The following MBOAT2 variants were observed in gnomAD, a reference collection of about 807,000 sequenced individuals.
MBOAT2 encodes membrane bound glycerophospholipid O-acyltransferase 2, also known as membrane-bound glycerophospholipid O-acyltransferase 2.
Under a neutral mutation model 63.4 loss-of-function variants are expected in MBOAT2, and 28 were observed. The ratio of observed to expected loss-of-function variants is 0.44; its 90% confidence interval spans 0.33 to 0.61. The LOEUF (loss-of-function observed/expected upper bound fraction) is 0.61, where lower values mean the gene tolerates loss of function less well. Among genes scored for constraint, MBOAT2 ranks in the 20% least tolerant of loss-of-function variants. The pLI is 0.03. For missense variants in MBOAT2, 470 were observed against 605.8 expected (o/e 0.78, Z 2.35); for synonymous variants, 211 against 215.6 (o/e 0.98, Z 0.19).
rs990648113 is a variant in MBOAT2, at chr2:8,862,417, C to T, written c.1185+173G>A. The T allele has an allele frequency of 7.4e-7, 1 of 1,342,902 alleles. No homozygotes were observed. Among genetic ancestry groups the T allele is most frequent in the African/African-American group, 1.5e-5 (1 of 68,500 alleles). 83.2% of individuals were successfully genotyped at this position (1,342,902 alleles called of 1,614,324 possible). A position where few individuals can be genotyped will look rare whatever the true frequency, so the allele number is the denominator to read the frequency against. On this transcript the variant is annotated intron_variant, in intron 11 of 12. Transcript: ENST00000305997. The surrounding 1 kb of genome is among the most constrained non-coding windows in gnomAD (Gnocchi z 4.3). ...CACAGGAACTGGGCATGGAGCCTAG[C>T]CCGTGGTGAGCGCTCAGCAAACATG...
At chr2:8,999,358 G>T (rs757830341) in intron 1 of MBOAT2, among the ~76,000 whole-genome samples, 4 of 152,142 alleles carry the variant, frequency 2.6e-5, no homozygotes, top group Non-Finnish European at 5.9e-5. Context: ...TGGTTAAAAA[G>T]GCAAGAAAGA....
intron 6 of MBOAT2, among the ~76,000 whole-genome samples, chr2:8,882,266 T>A (rs550662556): frequency 4.6e-5 from 7 of 152,298 alleles, no homozygotes; most frequent in African/African-American, 1.7e-4. Context: ...CTTTAGCAGC[T>A]AACCTCGTGG....
At chr2:8,992,251 T>G (rs528459437) in intron 1 of MBOAT2, among the ~76,000 whole-genome samples, 1 of 152,310 alleles carries the variant, frequency 6.6e-6, no homozygotes, top group African/African-American at 2.4e-5. Flanking sequence ...AGATAAATGG[T>G]TTTGTAACTA....
intron 11 of MBOAT2, chr2:8,860,984 G>A (rs1448803910): frequency 1.3e-5 from 4 of 303,858 alleles, no homozygotes; most frequent in Non-Finnish European, 2.4e-5. Context: ...GAGGGGAGAT[G>A]AGGAAGTAAC....
intron 4 of MBOAT2, among the ~76,000 whole-genome samples, chr2:8,888,988 A>G (rs1663776218): frequency 6.6e-6 from 1 of 152,234 alleles, no homozygotes; most frequent in South Asian, 2.1e-4. Context: ...TTTTGAAACA[A>G]TAATATAATA....
At chr2:8,891,733 G>C (rs1291212362) in intron 4 of MBOAT2, among the ~76,000 whole-genome samples, 2 of 152,180 alleles carry the variant, frequency 1.3e-5, no homozygotes, top group African/African-American at 4.8e-5. Context: ...CCCTAGGATG[G>C]AAATGGGAAG....
intron 1 of MBOAT2, among the ~76,000 whole-genome samples, chr2:8,964,457 T>A (rs1239090384): frequency 6.6e-6 from 1 of 151,606 alleles, no homozygotes; most frequent in African/African-American, 2.4e-5. Context: ...AACATCCACT[T>A]GACTAATTTA....
chr2:8,940,448 C>T (rs1667971699), intron 3 of MBOAT2, among the ~76,000 whole-genome samples: 2 of 152,054 alleles, frequency 1.3e-5, no homozygotes, highest in South Asian at 2.1e-4. Flanking sequence ...TGCACCACCA[C>T]GCCTGGCTAA....
At chr2:8,984,260 G>A (rs1393790263) in intron 1 of MBOAT2, among the ~76,000 whole-genome samples, 1 of 152,144 alleles carries the variant, frequency 6.6e-6, no homozygotes, top group Non-Finnish European at 1.5e-5. Context: ...ATAGGGAGTT[G>A]CTTAATGAAT....
At chr2:8,966,134 A>G (rs569915188) in intron 1 of MBOAT2, among the ~76,000 whole-genome samples, 112 of 152,352 alleles carry the variant, frequency 7.4e-4, no homozygotes, top group African/African-American at 2.5e-3. Flanking sequence ...GGAGGCGTGA[A>G]GTATACAACC....
intron 8 of MBOAT2, among the ~76,000 whole-genome samples, chr2:8,872,774 T>C (rs571717548): frequency 5.5e-4 from 84 of 152,332 alleles, no homozygotes; most frequent in African/African-American, 2.0e-3. Flanking sequence ...AATACAATCA[T>C]ACTAAATTAT....
At chr2:8,957,077 G>C (rs192664159) in intron 2 of MBOAT2, among the ~76,000 whole-genome samples, 57 of 152,246 alleles carry the variant, frequency 3.7e-4, no homozygotes, top group Admixed American at 2.4e-3. Context: ...GAAATGTATA[G>C]ACTGGGATAT....
intron 3 of MBOAT2, among the ~76,000 whole-genome samples, chr2:8,932,695 G>C (rs1050838923): frequency 6.6e-6 from 1 of 151,338 alleles, no homozygotes; most frequent in African/African-American, 2.4e-5. Context: ...TGTACAAGTA[G>C]ACAGTAACAC....
chr2:8,881,986 A>T lies in MBOAT2; in HGVS notation c.506+525T>A, dbSNP rs547875864. ...AATTAAGCCATTCCTTAGATTAGTC[A>T]TCAGAGTGCCTTTAATAAATGAAGT... On this transcript the variant is annotated intron_variant, in intron 6 of 12. Coordinates refer to ENST00000305997, the MANE Select transcript of MBOAT2 (RefSeq NM_138799.4). Among the ~76,000 whole-genome samples the T allele has an allele frequency of 4.0e-4, 61 of 152,358 alleles. 1 individual carries two copies. The highest frequency in any genetic ancestry group is 1.9e-4 in the East Asian group (1 of 5,186).
intron 1 of MBOAT2, among the ~76,000 whole-genome samples, chr2:8,996,023 A>G (rs974064544): frequency 9.2e-5 from 14 of 152,214 alleles, no homozygotes; most frequent in African/African-American, 3.4e-4. Context: ...CCTGGCCCTC[A>G]TTGGGTATAC....
In MBOAT2 at chr2:8,924,598, C is replaced by T. The variant is rs1449879121; in HGVS notation, c.300-15882G>A. The stretch of plus-strand genomic sequence containing the variant: ...GCTTCGATGTATTCACTATGCCAGA[C>T]ACAAATAATGACACTGATACATGAA... On this transcript the variant is annotated intron_variant, in intron 3 of 12. Coordinates refer to ENST00000305997, the MANE Select transcript of MBOAT2 (RefSeq NM_138799.4). 2.0e-5 allele frequency among the ~76,000 whole-genome samples: 3 copies of T among 152,084 alleles called. No individual in the cohort carries two copies. The East Asian group carries it at 5.8e-4, about 29-fold the overall frequency.
At chr2:8,972,375 G>A (rs1179095787) in intron 1 of MBOAT2, among the ~76,000 whole-genome samples, 3 of 152,266 alleles carry the variant, frequency 2.0e-5, no homozygotes, top group South Asian at 2.1e-4. Flanking sequence ...ATTCAAGATG[G>A]ATTAAAGACT....
intron 4 of MBOAT2, among the ~76,000 whole-genome samples, chr2:8,888,568 G>C (rs536802794): frequency 2.0e-5 from 3 of 152,026 alleles, no homozygotes; most frequent in South Asian, 2.1e-4. Context: ...TATTTTAAAG[G>C]AAAAAGGACT....
At chr2:8,990,274 T>C (rs1428996066) in intron 1 of MBOAT2, among the ~76,000 whole-genome samples, 2 of 152,204 alleles carry the variant, frequency 1.3e-5, no homozygotes, top group Non-Finnish European at 2.9e-5. Flanking sequence ...TCACAAGGGC[T>C]AAACTCCAAT....
Sources: allele counts gnomAD v4.1 joint callset (sites outside exome capture counted in the v4.1 genomes callset), GRCh38; gene constraint gnomAD v4.1.1; non-coding constraint Gnocchi (gnomAD v3.1); transcripts MANE v1.5; gene names NCBI Gene and HGNC (gene_info 2026-07-23, HGNC 2026-07-21).